The following POFUT3 variants were observed in gnomAD, a reference collection of about 807,000 sequenced individuals.
POFUT3 encodes the protein GDP-fucose protein O-fucosyltransferase 3.
chr8:33,382,680 C>A, the POFUT3 span, among the ~76,000 whole-genome samples: 1 of 152,174 alleles, frequency 6.6e-6, no homozygotes, highest in Non-Finnish European at 1.5e-5. Flanking sequence ...AGACCCAAAT[C>A]ATCACTGTGC....
At chr8:33,449,259 A>G in the POFUT3 span, among the ~76,000 whole-genome samples, 46 of 134,610 alleles carry the variant, frequency 3.4e-4, no homozygotes, top group South Asian at 2.1e-3. Flanking sequence ...AATGGTTTGT[A>G]GGTGTTATAT....
At chr8:33,386,747 T>G in the POFUT3 span, among the ~76,000 whole-genome samples, 1 of 152,022 alleles carries the variant, frequency 6.6e-6, no homozygotes, top group Non-Finnish European at 1.5e-5. Context: ...GAGGTGGAGC[T>G]TGCAGTGAGC....
the POFUT3 span, among the ~76,000 whole-genome samples, chr8:33,467,210 T>C: frequency 1.4e-5 from 2 of 138,114 alleles, no homozygotes; most frequent in African/African-American, 2.8e-5. Flanking sequence ...GAGGTGGAGG[T>C]TGCAGTGAGC....
chr8:33,419,469 T>G, the POFUT3 span, among the ~76,000 whole-genome samples: 2,457 of 152,202 alleles, frequency 0.016, 62 homozygotes, highest in African/African-American at 0.057. Context: ...CATGCTCCTA[T>G]GAGAATCTAA....
the POFUT3 span, among the ~76,000 whole-genome samples, chr8:33,337,387 A>G: frequency 6.6e-6 from 1 of 152,302 alleles, no homozygotes; most frequent in South Asian, 2.1e-4. Flanking sequence ...CATATTATAA[A>G]TGTAGTAGAC....
chr8:33,465,429 T>TAG, the POFUT3 span, among the ~76,000 whole-genome samples: 17 of 147,038 alleles, frequency 1.2e-4, no homozygotes, highest in South Asian at 2.2e-3. Flanking sequence ...CATATATATA[T>TAG]AGAGAGAGAG....
the POFUT3 span, among the ~76,000 whole-genome samples, chr8:33,344,133 C>T: frequency 2.6e-5 from 4 of 152,148 alleles, no homozygotes; most frequent in Non-Finnish European, 4.4e-5. Flanking sequence ...ATTAAAATTT[C>T]CAGGGGTAAT....
the POFUT3 span, among the ~76,000 whole-genome samples, chr8:33,381,349 T>A: frequency 6.6e-6 from 1 of 152,218 alleles, no homozygotes; most frequent in East Asian, 1.9e-4. Flanking sequence ...CCCATTTTTA[T>A]ACTTTATCAT....
the POFUT3 span, among the ~76,000 whole-genome samples, chr8:33,443,260 G>A: frequency 1.3e-5 from 2 of 152,084 alleles, no homozygotes; most frequent in Non-Finnish European, 2.9e-5. Context: ...GAGACGAAAT[G>A]TCTTTGTTAG....
chr8:33,405,156 C>T, the POFUT3 span, among the ~76,000 whole-genome samples: 1 of 152,032 alleles, frequency 6.6e-6, no homozygotes, highest in Non-Finnish European at 1.5e-5. Context: ...GCCCTCCTAT[C>T]ATCCATGTCT....
chr8:33,314,177 C>T, the POFUT3 span, among the ~76,000 whole-genome samples: 1 of 152,168 alleles, frequency 6.6e-6, no homozygotes, highest in Admixed American at 6.6e-5. Context: ...CTGTCCTTTT[C>T]GTCTCTTGCC....
At chr8:33,341,101 C>T in the POFUT3 span, among the ~76,000 whole-genome samples, 71 of 151,974 alleles carry the variant, frequency 4.7e-4, no homozygotes, top group African/African-American at 1.5e-3. Flanking sequence ...GTTCAGTGAC[C>T]ACAATGGAAT....
the POFUT3 span, among the ~76,000 whole-genome samples, chr8:33,413,004 C>T: frequency 5.0e-5 from 7 of 140,418 alleles, no homozygotes; most frequent in Non-Finnish European, 9.5e-5. Flanking sequence ...TGAAAAAGCA[C>T]ACACACACAA....
the POFUT3 span, among the ~76,000 whole-genome samples, chr8:33,385,488 A>T: frequency 0.33 from 50,073 of 152,094 alleles, 10,213 homozygotes; most frequent in East Asian, 0.56. Flanking sequence ...ACTGCCATGA[A>T]CACAGTCTCA....
chr8:33,361,913 A>G, the POFUT3 span, among the ~76,000 whole-genome samples: 36 of 152,246 alleles, frequency 2.4e-4, no homozygotes, highest in Middle Eastern at 3.4e-3. Flanking sequence ...CAAATTTAAA[A>G]AAAAATGATT....
the POFUT3 span, among the ~76,000 whole-genome samples, chr8:33,457,784 T>C: frequency 1.3e-5 from 2 of 152,036 alleles, no homozygotes; most frequent in African/African-American, 2.4e-5. Context: ...AAAATAAATA[T>C]ACATATATAC....
chr8:33,380,028 C>G, the POFUT3 span, among the ~76,000 whole-genome samples: 94 of 65,822 alleles, frequency 1.4e-3, 11 homozygotes, highest in South Asian at 6.3e-3. Context: ...TATATATATA[C>G]TATATATATA....
the POFUT3 span, chr8:33,436,468 G>A: frequency 3.4e-5 from 49 of 1,428,572 alleles, no homozygotes; most frequent in Non-Finnish European, 4.8e-5. Flanking sequence ...ATGCAACTTG[G>A]TTGAGGTTTT....
the POFUT3 span, among the ~76,000 whole-genome samples, chr8:33,439,255 T>C: frequency 6.6e-6 from 1 of 151,836 alleles, no homozygotes; most frequent in East Asian, 2.0e-4. Context: ...TACAAAAAAT[T>C]AGCCGGGCAT....
Sources: allele counts gnomAD v4.1 joint callset (sites outside exome capture counted in the v4.1 genomes callset), GRCh38; gene constraint gnomAD v4.1.1; transcripts MANE v1.5; gene names NCBI Gene and HGNC (gene_info 2026-07-23, HGNC 2026-07-21).